Variants in KIAA0825 observed in about 807,000 individuals in gnomAD.
KIAA0825 encodes KIAA0825.
Under a neutral mutation model 147.6 loss-of-function variants are expected in KIAA0825, and 119 were observed. The ratio of observed to expected loss-of-function variants is 0.81; its 90% confidence interval spans 0.69 to 0.94. KIAA0825 has a LOEUF of 0.94. Ranked by LOEUF, KIAA0825 falls within the 40% of genes least tolerant of loss-of-function variation. The probability of loss-of-function intolerance (pLI) is 0.00; values close to 1 mark genes in which losing one functional copy is unlikely to be tolerated. For missense variants in KIAA0825, 1,381 were observed against 1,472.7 expected, an observed-to-expected ratio of 0.94 and a Z score of 1.02; for synonymous variants, 470 against 518.1, an observed-to-expected ratio of 0.91 and a Z score of 1.26.
At chr5:94,460,491 C>CACG (rs1235497278) in intron 12 of KIAA0825, among the ~76,000 whole-genome samples, 1 of 152,088 alleles carries the variant, frequency 6.6e-6, no homozygotes, top group Non-Finnish European at 1.5e-5. Context: ...TAAAGGCAGT[C>CACG]ACCTTCTAAA....
chr5:94,611,439 G>C (rs1229025656), intron 1 of KIAA0825, among the ~76,000 whole-genome samples: 1 of 151,898 alleles, frequency 6.6e-6, no homozygotes, highest in Admixed American at 6.6e-5. Context: ...TAACCAAATT[G>C]ATGGCTTATA....
intron 20 of KIAA0825, among the ~76,000 whole-genome samples, chr5:94,189,252 A>G (rs1770445035): frequency 6.6e-6 from 1 of 152,126 alleles, no homozygotes; most frequent in South Asian, 2.1e-4. Context: ...TTGGAAGAAA[A>G]AAGTTTTTAA....
At chr5:94,346,456 A>G (rs145404625) in intron 20 of KIAA0825, among the ~76,000 whole-genome samples, 238 of 152,288 alleles carry the variant, frequency 1.6e-3, no homozygotes, top group African/African-American at 5.3e-3. Context: ...AAGGAAGCAG[A>G]CTGCTCCTGC....
intron 1 of KIAA0825, among the ~76,000 whole-genome samples, chr5:94,617,574 C>G (rs1481998955): frequency 1.3e-5 from 2 of 152,182 alleles, no homozygotes; most frequent in Non-Finnish European, 2.9e-5. Context: ...CGGGAACTGA[C>G]TGTTTTGAAA....
intron 3 of KIAA0825, among the ~76,000 whole-genome samples, chr5:94,533,935 A>G (rs1561277084): frequency 6.6e-6 from 1 of 152,200 alleles, no homozygotes; most frequent in Non-Finnish European, 1.5e-5. Context: ...CATTCGGGTG[A>G]ATCACTGCTT....
At chr5:94,564,507 A>G (rs61427096) in intron 2 of KIAA0825, among the ~76,000 whole-genome samples, 75 of 102,114 alleles carry the variant, frequency 7.3e-4, no homozygotes, top group Middle Eastern at 5.4e-3. Flanking sequence ...GGTATCGACT[A>G]CCGGCATGAG....
intron 2 of KIAA0825, among the ~76,000 whole-genome samples, chr5:94,544,625 T>C (rs111968429): frequency 1.4e-4 from 22 of 152,318 alleles, no homozygotes; most frequent in African/African-American, 4.3e-4. Context: ...ACTACATGTC[T>C]TTACTGACAT....
At chr5:94,194,080 C>T (rs1049771084) in intron 20 of KIAA0825, among the ~76,000 whole-genome samples, 3 of 152,134 alleles carry the variant, frequency 2.0e-5, no homozygotes, top group African/African-American at 7.2e-5. Flanking sequence ...TGGTCAATTT[C>T]CCTCCCTAGA....
intron 20 of KIAA0825, among the ~76,000 whole-genome samples, chr5:94,300,739 C>T (rs1294539726): frequency 6.6e-6 from 1 of 152,100 alleles, no homozygotes; most frequent in Non-Finnish European, 1.5e-5. Flanking sequence ...TTTGAATTTG[C>T]TAAATGTGCT....
chr5:94,165,550 T>G (rs1036995022), intron 20 of KIAA0825, among the ~76,000 whole-genome samples: 1 of 152,214 alleles, frequency 6.6e-6, no homozygotes, highest in Non-Finnish European at 1.5e-5. Context: ...AAGAGATATC[T>G]ATACTCCTAT....
At chr5:94,449,656 G>A (rs1011389860) in intron 13 of KIAA0825, among the ~76,000 whole-genome samples, 37 of 152,178 alleles carry the variant, frequency 2.4e-4, no homozygotes, top group Admixed American at 1.5e-3. Flanking sequence ...GACATATACC[G>A]TTGGGGTATA....
intron 20 of KIAA0825, among the ~76,000 whole-genome samples, chr5:94,315,833 T>G (rs1019814407): frequency 6.6e-6 from 1 of 151,724 alleles, no homozygotes; most frequent in African/African-American, 2.4e-5. Context: ...CAAACCAAAT[T>G]TTTCTATTCC....
chr5:94,596,112 A>C (rs1785265239), intron 1 of KIAA0825, among the ~76,000 whole-genome samples: 2 of 152,058 alleles, frequency 1.3e-5, no homozygotes, highest in Non-Finnish European at 2.9e-5. Flanking sequence ...ACTATTTGTC[A>C]ATTTTTGCAA....
chr5:94,260,712 A>G (rs1776450104), intron 20 of KIAA0825, among the ~76,000 whole-genome samples: 2 of 152,188 alleles, frequency 1.3e-5, no homozygotes, highest in South Asian at 4.1e-4. Flanking sequence ...TCACATTAGT[A>G]CTATATCTGC....
chr5:94,237,785 T>G (rs1775136721), intron 20 of KIAA0825, among the ~76,000 whole-genome samples: 1 of 152,168 alleles, frequency 6.6e-6, no homozygotes, highest in African/African-American at 2.4e-5. Flanking sequence ...ATATAAACTA[T>G]TCTTCCTAGC....
intron 1 of KIAA0825, among the ~76,000 whole-genome samples, chr5:94,604,303 G>A (rs900841603): frequency 2.4e-4 from 36 of 152,214 alleles, no homozygotes; most frequent in Non-Finnish European, 5.9e-5. Context: ...TGTAATCCCA[G>A]CACTTTGGGA....
chr5:94,412,081 T>C (rs1416502714), intron 15 of KIAA0825, among the ~76,000 whole-genome samples: 1 of 152,140 alleles, frequency 6.6e-6, no homozygotes, highest in Non-Finnish European at 1.5e-5. Context: ...AAACAAAGAA[T>C]TTATGTGCAA....
chr5:94,471,600 C>T lies in KIAA0825; in HGVS notation c.1587G>A (p.Gln529=). 1 of 1,551,952 alleles carries T rather than the reference C, an allele frequency of 6.4e-7. No individual in the cohort carries two copies. The highest frequency in any genetic ancestry group is 8.7e-7 in the Non-Finnish European group (1 of 1,147,036). Residue 529 remains glutamine (Q), a synonymous_variant, in exon 9 of 21, where the codon CAG becomes CAA. Coordinates refer to ENST00000682413, the MANE Select transcript of KIAA0825 (RefSeq NM_001145678.3). Reference sequence around the variant, plus strand: ...CCTCCTTGGCTCTCTCTTGCAGTCTCTGCAGGACAGCTGTTGCCACTTTAC... The same window carrying T: ...CCTCCTTGGCTCTCTCTTGCAGTCTTTGCAGGACAGCTGTTGCCACTTTAC... ...ACCKVATAVL[Q]RLQERAKEVP... is the part of the protein sequence containing the mutation.
At chr5:94,407,896 C>T (rs1189784442) in intron 15 of KIAA0825, among the ~76,000 whole-genome samples, 1 of 152,156 alleles carries the variant, frequency 6.6e-6, no homozygotes, top group Non-Finnish European at 1.5e-5. Flanking sequence ...AGGACACACA[C>T]AAACATTTGT....
Sources: allele counts gnomAD v4.1 joint callset (sites outside exome capture counted in the v4.1 genomes callset), GRCh38; gene constraint gnomAD v4.1.1; transcripts MANE v1.5; gene names NCBI Gene and HGNC (gene_info 2026-07-23, HGNC 2026-07-21).